The following DGKH variants were observed in gnomAD, a reference collection of about 807,000 sequenced individuals.
The protein encoded by DGKH is DAG kinase eta.
Under a neutral mutation model 159.3 loss-of-function variants are expected in DGKH, and 90 were observed. The ratio of observed to expected loss-of-function variants is 0.57; its 90% confidence interval spans 0.48 to 0.67. DGKH has a LOEUF of 0.67. DGKH is among the 30% of genes least tolerant of loss of function. The pLI, the probability that DGKH is intolerant of heterozygous loss-of-function variation, is 0.00. For missense variants in DGKH, 1,181 were observed against 1,506.1 expected, an observed-to-expected ratio of 0.78 and a Z score of 3.57; for synonymous variants, 536 against 553.8, an observed-to-expected ratio of 0.97 and a Z score of 0.45.
intron 1 of DGKH, among the ~76,000 whole-genome samples, chr13:42,105,680 T>C (rs1954736878): frequency 6.6e-6 from 1 of 152,328 alleles, no homozygotes; most frequent in African/African-American, 2.4e-5. Flanking sequence ...CAGGTTTTCT[T>C]TGGTCATGCC....
At chr13:42,185,749 A>G (rs533581566) in intron 13 of DGKH, among the ~76,000 whole-genome samples, 35 of 152,344 alleles carry the variant, frequency 2.3e-4, no homozygotes, top group African/African-American at 8.2e-4. Context: ...GTTCATGATC[A>G]AAGAAGACAA....
chr13:42,209,147 G>A (rs540815276), intron 22 of DGKH, 75 bp downstream of exon 22: 8 of 1,411,188 alleles, frequency 5.7e-6, no homozygotes, highest in Admixed American at 2.0e-5. Flanking sequence ...TAAACAACTC[G>A]TACACTGGAT....
At chr13:42,114,287 C>T (rs909814490) in intron 1 of DGKH, among the ~76,000 whole-genome samples, 1 of 152,186 alleles carries the variant, frequency 6.6e-6, no homozygotes, top group East Asian at 1.9e-4. Flanking sequence ...AGAGTTCTTA[C>T]AGTGCTGCTG....
At chr13:42,081,534 T>C (rs1389324533) in intron 1 of DGKH, among the ~76,000 whole-genome samples, 1 of 152,238 alleles carries the variant, frequency 6.6e-6, no homozygotes, top group Non-Finnish European at 1.5e-5. Flanking sequence ...CTGGCCTTTT[T>C]CTCCTATTTT....
chr13:42,063,948 A>T (rs867128130), intron 1 of DGKH, among the ~76,000 whole-genome samples: 1,475 of 128,856 alleles, frequency 0.011, 10 homozygotes, highest in Middle Eastern at 0.034. Flanking sequence ...TGAAAAAAAA[A>T]ATATATATAT....
Position 42,206,174 on chromosome 13 carries a change from T to G in DGKH, c.2601+28T>G, listed in dbSNP as rs1957468280. The G allele has an allele frequency of 4.5e-6, 6 of 1,329,396 alleles. No individual in the cohort carries two copies. The East Asian group carries it at 1.6e-4, about 36-fold the overall frequency. 82.4% of individuals were successfully genotyped at this position (1,329,396 alleles called of 1,614,324 possible). On this transcript the variant is annotated intron_variant, in intron 21 of 29. Coordinates refer to ENST00000337343, the MANE Select transcript of DGKH (RefSeq NM_178009.5). The stretch of plus-strand genomic sequence containing the variant: ...AAGTAATGGGAGTAAATAGTTTGTT[T>G]CCTCAAAAATAATTATATCACTGGA...
chr13:42,141,841 A>C (rs1429873876), intron 3 of DGKH, among the ~76,000 whole-genome samples: 2 of 151,914 alleles, frequency 1.3e-5, no homozygotes, highest in Non-Finnish European at 1.5e-5. Context: ...CCCATTCTGT[A>C]GGTTGCCTGT....
rs1958468969 is a variant in DGKH at position 42,238,930 on chromosome 13, G to T, written c.*9742G>T. 1.3e-5 allele frequency: 2 copies of T among 152,100 alleles called. No individual in the cohort carries two copies. The highest frequency in any genetic ancestry group is 4.2e-4 in the South Asian group (2 of 4,816). 9.4% of individuals were successfully genotyped at this position (152,100 alleles called of 1,614,324 possible). Reference sequence around the variant, plus strand: ...TTATTATAGTATAATATGATAATTTGGAGCTCCTGTTGCATCTCACTGCCC... The same window carrying T: ...TTATTATAGTATAATATGATAATTTTGAGCTCCTGTTGCATCTCACTGCCC... On this transcript the variant is annotated 3_prime_UTR_variant, in exon 30 of 30. Coordinates refer to ENST00000337343, the MANE Select transcript of DGKH (RefSeq NM_178009.5).
At chr13:42,187,755 GT>G (rs1440140731) in intron 14 of DGKH, among the ~76,000 whole-genome samples, 1 of 152,020 alleles carries the variant, frequency 6.6e-6, no homozygotes, top group African/African-American at 2.4e-5. Context: ...AGAAAGCAAG[GT>G]TTTCCATTTC....
At chr13:42,058,872 G>T (rs1593962527) in intron 1 of DGKH, among the ~76,000 whole-genome samples, 1 of 152,190 alleles carries the variant, frequency 6.6e-6, no homozygotes, top group East Asian at 1.9e-4. Context: ...ACTTCATGGA[G>T]CAGAGCCCTT....
At chr13:42,155,052 T>C (rs1367296949) in intron 3 of DGKH, among the ~76,000 whole-genome samples, 1 of 152,208 alleles carries the variant, frequency 6.6e-6, no homozygotes, top group African/African-American at 2.4e-5. Flanking sequence ...ATTGTGTATT[T>C]GGGTCCATAG....
chr13:42,090,299 A>G (rs12430265), intron 1 of DGKH, among the ~76,000 whole-genome samples: 10 of 152,356 alleles, frequency 6.6e-5, no homozygotes, highest in Admixed American at 6.5e-4. Flanking sequence ...ATTGGGAGGA[A>G]TTAATATTGT....
chr13:42,068,859 G>T (rs1053166799), intron 1 of DGKH: 1 of 711,490 alleles, frequency 1.4e-6, no homozygotes, highest in Non-Finnish European at 2.1e-6. Context: ...AGTAAAAAAT[G>T]ACTTAAACTC....
chr13:42,241,272 T>G lies in DGKH; in HGVS notation c.*12084T>G, dbSNP rs1172014662. On this transcript the variant is annotated 3_prime_UTR_variant, in exon 30 of 30. Transcript: ENST00000337343. ...GCTCCCATCTGGTAGAGTCCAAGTT[T>G]GTTTTCACAGTTATTTTTCCACAGT... The G allele has an allele frequency of 1.3e-5, 2 of 152,222 alleles. No individual in the cohort carries two copies. 9.4% of individuals were successfully genotyped at this position (152,222 alleles called of 1,614,324 possible).
At chr13:42,161,631 T>C (rs541416048) in intron 7 of DGKH, among the ~76,000 whole-genome samples, 2 of 151,404 alleles carry the variant, frequency 1.3e-5, no homozygotes, top group South Asian at 4.2e-4. Flanking sequence ...AATACAAAAA[T>C]TAGCTGGGCG....
At chr13:42,203,925 T>C (rs1249410872) in intron 20 of DGKH, among the ~76,000 whole-genome samples, 2 of 152,236 alleles carry the variant, frequency 1.3e-5, no homozygotes, top group East Asian at 1.9e-4. Context: ...TTCCTGGATA[T>C]GAGAAACTTT....
intron 1 of DGKH, among the ~76,000 whole-genome samples, chr13:42,123,873 T>A (rs1955122059): frequency 6.6e-6 from 1 of 152,124 alleles, no homozygotes; most frequent in African/African-American, 2.4e-5. Context: ...AGCAGACCAG[T>A]GGTTGCCTGG....
At chr13:42,218,972 T>A (rs1020861329) in intron 26 of DGKH, among the ~76,000 whole-genome samples, 3 of 152,164 alleles carry the variant, frequency 2.0e-5, no homozygotes, top group African/African-American at 7.2e-5. Flanking sequence ...AAAATAATAC[T>A]TTTTCTATGA....
At chr13:42,045,000 T>C (rs73468984), upstream of DGKH, among the ~76,000 whole-genome samples, 5,768 of 152,258 alleles carry the variant, frequency 0.038, 359 homozygotes, top group African/African-American at 0.12. Flanking sequence ...AGTACACTTA[T>C]TAAAATTTGC....
Sources: allele counts gnomAD v4.1 joint callset (sites outside exome capture counted in the v4.1 genomes callset), GRCh38; gene constraint gnomAD v4.1.1; transcripts MANE v1.5; gene names NCBI Gene and HGNC (gene_info 2026-07-23, HGNC 2026-07-21).